The following ZNF423 variants were observed in gnomAD, a reference collection of about 807,000 sequenced individuals.
ZNF423 encodes the protein zinc finger protein 423.
Under a neutral mutation model 95.8 loss-of-function variants are expected in ZNF423, and 12 were observed. The ratio of observed to expected loss-of-function variants is 0.13; its 90% CI spans 0.08 to 0.20. The LOEUF is 0.20. Among genes scored for constraint, ZNF423 ranks in the 10% least tolerant of loss-of-function variants. The probability of loss-of-function intolerance (pLI) is 1.00; values close to 1 mark genes in which losing one functional copy is unlikely to be tolerated. For missense variants in ZNF423, 1,316 were observed against 1,737.1 expected, an observed-to-expected ratio of 0.76 and a Z score of 4.31; for synonymous variants, 749 against 711.9, an observed-to-expected ratio of 1.05 and a Z score of -0.83.
chr16:49,670,495 C>G (rs2030757350), intron 3 of ZNF423, among the ~76,000 whole-genome samples: 2 of 152,206 alleles, frequency 1.3e-5, no homozygotes, highest in African/African-American at 4.8e-5. Flanking sequence ...AGCAGCTGTC[C>G]CTACCTGCCC....
intron 2 of ZNF423, among the ~76,000 whole-genome samples, chr16:49,776,622 G>C (rs1248684396): frequency 6.6e-6 from 1 of 152,190 alleles, no homozygotes; most frequent in African/African-American, 2.4e-5. Flanking sequence ...GCAGGTGCAG[G>C]GTGTAAAATG....
intron 2 of ZNF423, among the ~76,000 whole-genome samples, chr16:49,787,199 A>C (rs2160285): frequency 0.36 from 55,064 of 152,076 alleles, 10,247 homozygotes; most frequent in African/African-American, 0.46. Flanking sequence ...TCACACGCCC[A>C]GTGCTCAGGG....
rs1299773981 is a variant in ZNF423, at chr16:49,637,069, C to T, written c.2107G>A (p.Glu703Lys). Residue 703 changes from glutamate (E) to lysine (K), a missense_variant, in exon 4 of 8, where the codon GAG becomes AAG. Physicochemically the swap from Glu to Lys is moderately conservative, Grantham distance 56. Coordinates refer to ENST00000563137, the MANE Select transcript of ZNF423 (RefSeq NM_001379286.1). The surrounding 1 kb of genome is among the most constrained non-coding windows in gnomAD (Gnocchi z 5.6). ...GAGGAAAATTGCTTGTCGCAGCTCT[C>T]GCACACATAGTGGGTCGACGTGGTC... ...YMTTSTHYVC[E>K]SCDKQFSSVD... 3 of 1,613,730 alleles carry T rather than the reference C, an allele frequency of 1.9e-6. No individual in the cohort carries two copies. Among genetic ancestry groups the T allele is most frequent in the African/African-American group, 1.3e-5 (1 of 74,944 alleles).
rs1411831009 is a variant in ZNF423 at position 49,492,466 on chromosome 16, A to AGGCCGAGGCCGGGGCCGG, written c.3850-1180_3850-1163dup. On this transcript the variant is annotated intron_variant, in intron 7 of 7. Transcript: ENST00000563137. This position sits in a 1 kb window ranked among gnomAD's most constrained non-coding sequence, Gnocchi z 4.2. ...AGGTGATGCCAGTAGCCTCGCCCGG[A>AGGCCGAGGCCGGGGCCGG]GGCCGAGGCCGGGGCCGGGGCCGGG... Among the ~76,000 whole-genome samples the AGGCCGAGGCCGGGGCCGG allele has an allele frequency of 2.0e-5, 3 of 150,326 alleles. No individual in the cohort carries two copies. The highest frequency in any genetic ancestry group is 7.5e-5 in the African/African-American group (3 of 39,824).
intron 3 of ZNF423, among the ~76,000 whole-genome samples, chr16:49,659,688 T>A (rs902735688): frequency 6.6e-6 from 1 of 152,208 alleles, no homozygotes. Flanking sequence ...GAGCGATCAG[T>A]CACCCCAGAT....
Position 49,580,895 on chromosome 16 carries a change from A to G in ZNF423, c.3601+45275T>C, listed in dbSNP as rs74576205. ...AAACGTGGACTGTGACCAGAATACC[A>G]GAGTTCACAGGACCCACCAGGAGGA... is the stretch of plus-strand genomic sequence containing the variant. On this transcript the variant is annotated intron_variant, in intron 5 of 7. Transcript: ENST00000563137. Among the ~76,000 whole-genome samples, 227 of 152,298 alleles carry G rather than the reference A, an allele frequency of 1.5e-3. 1 individual carries two copies. The highest frequency in any genetic ancestry group is 5.3e-3 in the African/African-American group (221 of 41,558).
chr16:49,519,482 T>C (rs1033773259), intron 7 of ZNF423, among the ~76,000 whole-genome samples: 5 of 152,220 alleles, frequency 3.3e-5, no homozygotes, highest in African/African-American at 7.2e-5. Context: ...CATCAGGCTA[T>C]GGTTTTCACT....
At chr16:49,507,636 A>G (rs1027865784) in intron 7 of ZNF423, among the ~76,000 whole-genome samples, 1 of 53,564 alleles carries the variant, frequency 1.9e-5, no homozygotes, top group Non-Finnish European at 3.6e-5. Flanking sequence ...ACATTCCACA[A>G]CTCCCACCAC....
chr16:49,539,703 A>G (rs919466979), intron 5 of ZNF423, among the ~76,000 whole-genome samples: 1 of 152,158 alleles, frequency 6.6e-6, no homozygotes, highest in Non-Finnish European at 1.5e-5. Flanking sequence ...AACAGAGACC[A>G]GTGAGACACT....
chr16:49,717,358 T>C (rs1481433062), intron 3 of ZNF423, among the ~76,000 whole-genome samples: 2 of 152,230 alleles, frequency 1.3e-5, no homozygotes, highest in Non-Finnish European at 2.9e-5. Flanking sequence ...AGCTCTTGCC[T>C]ACCCCTCAGT....
At chr16:49,506,870 T>C in intron 7 of ZNF423, among the ~76,000 whole-genome samples, 1 of 151,532 alleles carries the variant, frequency 6.6e-6, no homozygotes, top group Non-Finnish European at 1.5e-5. Context: ...GATTGGTGAG[T>C]GGATGGATGA....
chr16:49,594,755 G>A (rs1028546868), intron 5 of ZNF423, among the ~76,000 whole-genome samples: 4 of 152,116 alleles, frequency 2.6e-5, no homozygotes, highest in African/African-American at 4.8e-5. Context: ...ATGGACAGGC[G>A]CAAATATAAC....
intron 7 of ZNF423, among the ~76,000 whole-genome samples, chr16:49,501,770 T>C (rs1237097070): frequency 6.6e-6 from 1 of 152,088 alleles, no homozygotes; most frequent in African/African-American, 2.4e-5. Context: ...AGTGAACTAA[T>C]GCAGACACAG....
intron 2 of ZNF423, among the ~76,000 whole-genome samples, chr16:49,735,310 C>T (rs1463394122): frequency 1.3e-5 from 2 of 152,200 alleles, no homozygotes; most frequent in Non-Finnish European, 1.5e-5. Context: ...TGGGCACCTA[C>T]GGAAGTTGGG....
chr16:49,550,509 C>T (rs564116905), intron 5 of ZNF423, among the ~76,000 whole-genome samples: 1 of 152,392 alleles, frequency 6.6e-6, no homozygotes, highest in Non-Finnish European at 1.5e-5. Flanking sequence ...GAGAAGACTG[C>T]TTGGCCAAGG....
At chr16:49,651,978 C>A (rs1020144035) in intron 3 of ZNF423, among the ~76,000 whole-genome samples, 1 of 152,236 alleles carries the variant, frequency 6.6e-6, no homozygotes, top group African/African-American at 2.4e-5. Flanking sequence ...CTGCCATTTA[C>A]AATCCCAGGA....
intron 3 of ZNF423, among the ~76,000 whole-genome samples, chr16:49,685,396 GGACTGAGCA>G (rs1323662182): frequency 6.6e-6 from 1 of 152,174 alleles, no homozygotes; most frequent in Non-Finnish European, 1.5e-5. Flanking sequence ...GGTCTTGAGG[GGACTGAGCA>G]GCAGCCAGGG....
intron 5 of ZNF423, among the ~76,000 whole-genome samples, chr16:49,586,747 C>G (rs754844455): frequency 6.6e-6 from 1 of 152,236 alleles, no homozygotes; most frequent in Non-Finnish European, 1.5e-5. Flanking sequence ...GCACAGTATT[C>G]AAACACTTCT....
At position 49,739,761 on chromosome 16, in the gene ZNF423, C is replaced by T. The variant is rs181652998; in HGVS notation, c.101-8790G>A. On this transcript the variant is annotated intron_variant, in intron 2 of 7. Coordinates refer to ENST00000563137, the MANE Select transcript of ZNF423 (RefSeq NM_001379286.1). ...TCACCGAGGGTGGAGTGCAGTGATG[C>T]GATCTCAGCTCACTGCAGCCTTGAA... Among the ~76,000 whole-genome samples, 355 of 142,128 alleles carry T rather than the reference C, an allele frequency of 2.5e-3. 8 individuals are homozygous for T. Among genetic ancestry groups the T allele is most frequent in the Admixed American group, 0.024 (326 of 13,694 alleles). 93.2% of individuals were successfully genotyped at this position (142,128 alleles called of 152,430 possible).
Sources: allele counts gnomAD v4.1 joint callset (sites outside exome capture counted in the v4.1 genomes callset), GRCh38; gene constraint gnomAD v4.1.1; non-coding constraint Gnocchi (gnomAD v3.1); transcripts MANE v1.5; gene names NCBI Gene and HGNC (gene_info 2026-07-23, HGNC 2026-07-21).